Variants in PACRGL observed in about 807,000 individuals in gnomAD.
PACRGL encodes the protein parkin coregulated like.
Under a neutral mutation model 34.5 loss-of-function variants are expected in PACRGL, and 38 were observed. The observed-to-expected ratio is 1.10, with a 90% confidence interval of 0.85 to 1.44. The LOEUF (loss-of-function observed/expected upper bound fraction) is 1.44. PACRGL is among the 40% of genes most tolerant of loss of function. PACRGL has a pLI of 0.00. For missense variants in PACRGL, 305 were observed against 281.4 expected (o/e 1.08, Z -0.60); for synonymous variants, 128 against 100.1 (o/e 1.28, Z -1.66).
intron 5 of PACRGL, 40 bp from the exon 6 acceptor site, chr4:20,712,743 TAATGA>T (rs1455511052): frequency 1.5e-6 from 2 of 1,360,906 alleles, no homozygotes; most frequent in Non-Finnish European, 1.9e-6. Flanking sequence ...GTTATTAGCA[TAATGA>T]AATGGGTAGT....
chr4:20,734,955 A>G (rs557847249), downstream of PACRGL, among the ~76,000 whole-genome samples: 12 of 152,284 alleles, frequency 7.9e-5, no homozygotes, highest in South Asian at 6.2e-4. Context: ...AGTTAAATCA[A>G]TGGTCATACT....
At chr4:20,734,690 C>T, downstream of PACRGL, 1 of 1,602,240 alleles carries the variant, frequency 6.2e-7, no homozygotes, top group East Asian at 2.2e-5. Context: ...TTGAGTTTTT[C>T]TTGTACTGTC....
At chr4:20,744,404 A>G (rs897062659) in intron 8 of PACRGL, among the ~76,000 whole-genome samples, 1 of 152,170 alleles carries the variant, frequency 6.6e-6, no homozygotes, top group Admixed American at 6.6e-5. Context: ...TGTGGCACAT[A>G]TACTGGATTA....
chr4:20,697,546 A>G (rs1304062075), upstream of PACRGL, among the ~76,000 whole-genome samples: 2 of 152,228 alleles, frequency 1.3e-5, no homozygotes, highest in Non-Finnish European at 2.9e-5. Flanking sequence ...GGTACAGGGT[A>G]CCACACAGAC....
At chr4:20,721,255 T>C (rs1560353623) in intron 7 of PACRGL, among the ~76,000 whole-genome samples, 1 of 152,280 alleles carries the variant, frequency 6.6e-6, no homozygotes, top group East Asian at 1.9e-4. Flanking sequence ...TTTAGCTTCT[T>C]TGCAATGGGT....
Position 20,729,869 on chromosome 4 carries a change from C to A in PACRGL, c.*2528C>A. On this transcript the variant is annotated 3_prime_UTR_variant, in exon 9 of 9. Coordinates refer to ENST00000503585, the MANE Select transcript of PACRGL (RefSeq NM_001258345.3). ...TCACAGAGTATGAAATGAGTTAGAC[C>A]ATCCCCTGAACTCAGTGGCATTATG... The A allele has an allele frequency of 2.2e-6, 1 of 444,590 alleles. No individual in the cohort carries two copies. The highest frequency in any genetic ancestry group is 3.9e-6 in the Non-Finnish European group (1 of 254,490). 27.5% of individuals were successfully genotyped at this position (444,590 alleles called of 1,614,324 possible).
rs572994326 is a variant in PACRGL, at chr4:20,712,880, T to C, written c.459T>C (p.Ile153=). ...TCAAAGGTGCTCCTGAAAAAGCTAT[T>C]CCTTTGCTACCTAGACTGATTCCTG... ...LLVKGAPEKA[I]PLLPRLIPVL... Residue 153 remains isoleucine, a synonymous_variant, in exon 6 of 9, where the codon ATT becomes ATC. Transcript: ENST00000503585. 1.7e-5 allele frequency: 27 copies of C among 1,605,664 alleles called. No homozygotes were observed. The Admixed American group carries it at 4.5e-4, about 27-fold the overall frequency.
In PACRGL at chr4:20,747,222, G is replaced by C. The variant is rs542469540; in HGVS notation, c.*57-5343G>C. 8.5e-5 allele frequency among the ~76,000 whole-genome samples: 13 copies of C among 152,218 alleles called. No individual in the cohort carries two copies. In the East Asian group the frequency reaches 2.5e-3, roughly 29 times the overall value. On this transcript the variant is annotated intron_variant, in intron 8 of 8. Coordinates refer to the PACRGL transcript ENST00000507634. ...CATACTAAATTTACATATAAAATTG[G>C]ATATAATGTGCCCTAGGAAATTGGT...
At chr4:20,734,975 A>G (rs1749235488), downstream of PACRGL, among the ~76,000 whole-genome samples, 1 of 152,172 alleles carries the variant, frequency 6.6e-6, no homozygotes, top group African/African-American at 2.4e-5. Flanking sequence ...TGGAAATTGT[A>G]CCAGTGCGTA....
Position 20,704,534 on chromosome 4 carries a change from G to C in PACRGL, c.52+1G>C. 6.2e-7 allele frequency: 1 copy of C among 1,613,838 alleles called. No homozygotes were observed. The highest frequency in any genetic ancestry group is 1.7e-5 in the Admixed American group (1 of 59,974). ...ACACAGTTGAAAAACAGAGCAACAG[G>C]TACAGAGCTTTTGTTTTTAAGTGAA... On this transcript the variant is annotated splice_donor_variant, in intron 2 of 8. Coordinates refer to ENST00000503585, the MANE Select transcript of PACRGL (RefSeq NM_001258345.3). LOFTEE classifies it high-confidence loss of function.
intron 6 of PACRGL, 48 bp downstream of exon 6, chr4:20,712,970 A>G: frequency 7.0e-7 from 1 of 1,432,280 alleles, no homozygotes; most frequent in Non-Finnish European, 9.3e-7. Context: ...CATGATAGAA[A>G]AGAAAGCTGT....
intron 4 of PACRGL, among the ~76,000 whole-genome samples, chr4:20,708,507 G>C (rs1735581731): frequency 6.6e-6 from 1 of 152,026 alleles, no homozygotes; most frequent in African/African-American, 2.4e-5. Flanking sequence ...TTCGGATTTG[G>C]AGTGAAAAAT....
chr4:20,765,113 G>C, the PACRGL span, among the ~76,000 whole-genome samples: 8 of 152,276 alleles, frequency 5.3e-5, no homozygotes, highest in African/African-American at 1.7e-4. Flanking sequence ...TCAGCAAATA[G>C]TTCATATGCC....
At chr4:20,754,897 T>C (rs1289956769), downstream of PACRGL, among the ~76,000 whole-genome samples, 1 of 152,248 alleles carries the variant, frequency 6.6e-6, no homozygotes, top group Admixed American at 6.5e-5. Flanking sequence ...TTCATCTGCA[T>C]TGGTGCTTTG....
intron 7 of PACRGL, among the ~76,000 whole-genome samples, chr4:20,720,873 C>T (rs1742742741): frequency 6.6e-6 from 1 of 152,090 alleles, no homozygotes. Flanking sequence ...TGTTGGCCTG[C>T]CTTGCTAAGT....
chr4:20,703,969 C>T (rs1376503715), intron 1 of PACRGL, among the ~76,000 whole-genome samples: 1 of 152,176 alleles, frequency 6.6e-6, no homozygotes, highest in African/African-American at 2.4e-5. Context: ...TTCAGTGTGA[C>T]AACCTCAGTT....
In PACRGL at chr4:20,729,119, G is replaced by A. The variant is rs1430562577; in HGVS notation, c.*1778G>A. 1.3e-5 allele frequency: 2 copies of A among 151,724 alleles called. No individual in the cohort carries two copies. The highest frequency in any genetic ancestry group is 6.6e-5 in the Admixed American group (1 of 15,246). 9.4% of individuals were successfully genotyped at this position (151,724 alleles called of 1,614,324 possible). ...TGGGGTAGTCAAGGTTTCTTTCTTT[G>A]TCCCTGAATGGCTTGTAATATAAAT... is the stretch of plus-strand genomic sequence containing the variant. On this transcript the variant is annotated 3_prime_UTR_variant, in exon 9 of 9. Coordinates refer to ENST00000503585, the MANE Select transcript of PACRGL (RefSeq NM_001258345.3).
intron 1 of PACRGL, among the ~76,000 whole-genome samples, chr4:20,703,843 C>T (rs974996535): frequency 8.5e-5 from 13 of 152,056 alleles, no homozygotes; most frequent in African/African-American, 2.4e-4. Flanking sequence ...TTTCTCATCA[C>T]GTGTAGCATT....
rs566372151 is a variant in PACRGL, at chr4:20,727,570, G to A, written c.*229G>A. ...AGTACAATTTTGAGGTTTATTTTTT[G>A]TATTTTTATTATTTGTGCGAAGAAC... On this transcript the variant is annotated 3_prime_UTR_variant, in exon 9 of 9. Transcript: ENST00000503585. 25 of 394,302 alleles carry A rather than the reference G, an allele frequency of 6.3e-5. No individual in the cohort carries two copies. In the East Asian group the frequency reaches 7.8e-4, roughly 12 times the overall value. The allele number at this position is 394,302 out of a possible 1,614,324, so 24.4% of individuals were successfully genotyped here. A position where few individuals can be genotyped will look rare whatever the true frequency, so the allele number is the denominator to read the frequency against.
Sources: allele counts gnomAD v4.1 joint callset (sites outside exome capture counted in the v4.1 genomes callset), GRCh38; gene constraint gnomAD v4.1.1; transcripts MANE v1.5; gene names NCBI Gene and HGNC (gene_info 2026-07-23, HGNC 2026-07-21).